Variants in PTK7 observed in about 807,000 individuals in gnomAD.
The protein encoded by PTK7 is protein tyrosine kinase 7 (inactive), also known as inactive tyrosine-protein kinase 7.
A neutral mutation model predicts 116.6 loss-of-function variants in PTK7; 39 were observed. That is an observed-to-expected ratio of 0.33 (90% CI 0.26 to 0.44). The LOEUF (loss-of-function observed/expected upper bound fraction) is 0.44, where lower values mean the gene tolerates loss of function less well. Ranked by LOEUF, PTK7 falls within the 20% of genes least tolerant of loss-of-function variation. PTK7 has a pLI of 1.00. For missense variants in PTK7, 1,169 were observed against 1,425.6 expected (o/e 0.82, Z 2.90); for synonymous variants, 546 against 563.6 (o/e 0.97, Z 0.44).
At position 43,138,973 on chromosome 6, in the gene PTK7, C is replaced by T. The variant is rs749649976; in HGVS notation, c.1353C>T (p.Leu451=). 69 of 1,613,772 alleles carry T rather than the reference C, an allele frequency of 4.3e-5. No individual in the cohort carries two copies. Among genetic ancestry groups the T allele is most frequent in the Non-Finnish European group, 5.4e-5 (64 of 1,179,930 alleles). ...TTGTCTGGTACAGAAACCAGATGCT[C>T]ATCTCAGAGGTGAGAAAGAAGAGTG... ...PTVVWYRNQM[L]ISEDSRFEVF... is the part of the protein sequence containing the mutation. Residue 451 remains leucine, a synonymous_variant, in exon 8 of 20, where the codon CTC becomes CTT. Transcript: ENST00000230419.
chr6:43,087,726 C>G (rs564536563), intron 1 of PTK7, among the ~76,000 whole-genome samples: 52 of 152,364 alleles, frequency 3.4e-4, no homozygotes, highest in African/African-American at 1.2e-3. Context: ...CTGAGGCTCA[C>G]TCAGTGTGGC....
At chr6:43,110,204 C>T (rs1019020644) in intron 1 of PTK7, among the ~76,000 whole-genome samples, 2 of 151,204 alleles carry the variant, frequency 1.3e-5, no homozygotes, top group Non-Finnish European at 2.9e-5. Context: ...GCTGGCCAGG[C>T]TGGTCTCGAA....
At chr6:43,159,000 C>A in intron 18 of PTK7, 32 bp downstream of exon 18, 1 of 1,609,592 alleles carries the variant, frequency 6.2e-7, no homozygotes, top group Non-Finnish European at 8.5e-7. Context: ...GGGGGCTCCC[C>A]ATTTTTTCCC....
Position 43,138,841 on chromosome 6 carries a change from C to G in PTK7, c.1229-8C>G. 1 of 1,600,832 alleles carries G rather than the reference C, an allele frequency of 6.2e-7. No individual in the cohort carries two copies. Reference sequence around the variant, plus strand: ...GCAGCCTTCACTGTTTCCTTCCTGTCTGTCTAGCTGTGCCCTCCTGGCTGA... The same window carrying G: ...GCAGCCTTCACTGTTTCCTTCCTGTGTGTCTAGCTGTGCCCTCCTGGCTGA... On this transcript the variant is annotated splice_polypyrimidine_tract_variant and splice_region_variant and intron_variant, in intron 7 of 19. Coordinates refer to ENST00000230419, the MANE Select transcript of PTK7 (RefSeq NM_002821.5).
Position 43,076,981 on chromosome 6 carries a change from G to A in PTK7, c.79+414G>A. Reference sequence around the variant, plus strand: ...TTCCCCACCCCACCCGGCAGGGTCGGCCCAGGTAAGAGTTGCTGGTTTGGG... The same window carrying A: ...TTCCCCACCCCACCCGGCAGGGTCGACCCAGGTAAGAGTTGCTGGTTTGGG... On this transcript the variant is annotated intron_variant, in intron 1 of 19. Coordinates refer to ENST00000230419, the MANE Select transcript of PTK7 (RefSeq NM_002821.5). This position sits in a 1 kb window ranked among gnomAD's most constrained non-coding sequence, Gnocchi z 5.7. The A allele has an allele frequency of 6.7e-7, 1 of 1,494,702 alleles. No homozygotes were observed. Among genetic ancestry groups the A allele is most frequent in the Non-Finnish European group, 8.9e-7 (1 of 1,119,836 alleles). The allele number at this position is 1,494,702 out of a possible 1,614,324, so 92.6% of individuals were successfully genotyped here.
chr6:43,134,042 TTTC>T lies in PTK7; in HGVS notation c.1228+1361_1228+1363del, dbSNP rs1214615745. Among the ~76,000 whole-genome samples, 6 of 152,128 alleles carry T rather than the reference TTTC, an allele frequency of 3.9e-5. No homozygotes were observed. In the East Asian group the frequency reaches 1.2e-3, roughly 29 times the overall value. On this transcript the variant is annotated intron_variant, in intron 7 of 19. Coordinates refer to ENST00000230419, the MANE Select transcript of PTK7 (RefSeq NM_002821.5). The stretch of plus-strand genomic sequence containing the variant: ...TCACCTGCTTTCATTAGGGATACTT[TTTC>T]TTCTTTTGTTTGAGACGGAGTCTCA...
In PTK7 at chr6:43,088,177, G is replaced by A. The variant is rs533918736; in HGVS notation, c.79+11610G>A. 2.7e-3 allele frequency among the ~76,000 whole-genome samples: 406 copies of A among 152,264 alleles called. 1 individual carries two copies. The highest frequency in any genetic ancestry group is 4.9e-3 in the Non-Finnish European group (332 of 68,012). On this transcript the variant is annotated intron_variant, in intron 1 of 19. Coordinates refer to ENST00000230419, the MANE Select transcript of PTK7 (RefSeq NM_002821.5). ...AAAAATTAGACAGCAGCGGTGGCAC[G>A]TGCCTGTGATCCCAGCTACTTGGGA... is the stretch of plus-strand genomic sequence containing the variant.
chr6:43,076,470 T>A lies in PTK7; in HGVS notation c.-19T>A, dbSNP rs1364091307. Reference sequence around the variant, plus strand: ...GCGCCCGCCGTGCGCCCTCAGCTCCTTTTCCTGAGCCCGCCGCGATGGGAG... The same window carrying A: ...GCGCCCGCCGTGCGCCCTCAGCTCCATTTCCTGAGCCCGCCGCGATGGGAG... On this transcript the variant is annotated 5_prime_UTR_variant, in exon 1 of 20. Coordinates refer to ENST00000230419, the MANE Select transcript of PTK7 (RefSeq NM_002821.5). The surrounding 1 kb of genome is among the most constrained non-coding windows in gnomAD (Gnocchi z 5.7). 2 of 1,553,698 alleles carry A rather than the reference T, an allele frequency of 1.3e-6. No homozygotes were observed. The highest frequency in any genetic ancestry group is 1.9e-5 in the Admixed American group (1 of 53,222).
chr6:43,128,965 TTGCATC>T lies in PTK7; in HGVS notation c.80-10_80-5del. On this transcript the variant is annotated splice_region_variant and splice_polypyrimidine_tract_variant and intron_variant, in intron 1 of 19. Transcript: ENST00000230419. ...CCCCCTGACCCTGCCTCTCCCCTGT[TTGCATC>T]TACAGGTACCCAGACAGCCATTGTC... 6.3e-7 allele frequency: 1 copy of T among 1,593,050 alleles called. No individual in the cohort carries two copies. Among genetic ancestry groups the T allele is most frequent in the South Asian group, 1.1e-5 (1 of 87,696 alleles).
At chr6:43,077,115 C>G in intron 1 of PTK7, 1 of 1,060,692 alleles carries the variant, frequency 9.4e-7, no homozygotes, top group Non-Finnish European at 1.2e-6. Flanking sequence ...AGCTGAGACC[C>G]CAGATGGCCC....
intron 7 of PTK7, among the ~76,000 whole-genome samples, chr6:43,134,668 T>C (rs1275654470): frequency 6.6e-6 from 1 of 151,760 alleles, no homozygotes; most frequent in African/African-American, 2.4e-5. Context: ...TAATCCCAGC[T>C]ACTTGGGAGG....
At chr6:43,147,469 T>C (rs570157133) in intron 17 of PTK7, among the ~76,000 whole-genome samples, 5 of 152,318 alleles carry the variant, frequency 3.3e-5, no homozygotes, top group African/African-American at 1.2e-4. Flanking sequence ...TCTACTTCCT[T>C]CCATGTGACT....
At chr6:43,108,990 T>C (rs1768047948) in intron 1 of PTK7, among the ~76,000 whole-genome samples, 1 of 152,230 alleles carries the variant, frequency 6.6e-6, no homozygotes, top group East Asian at 1.9e-4. Flanking sequence ...GCTTGATTCT[T>C]TACTGATTTT....
intron 17 of PTK7, 52 bp downstream of exon 17, chr6:43,146,750 G>A (rs1424039015): frequency 1.3e-6 from 2 of 1,526,040 alleles, no homozygotes; most frequent in Non-Finnish European, 1.8e-6. Context: ...GGGTGGGCCA[G>A]GAGCAACAGA....
intron 19 of PTK7, 118 bp from the exon 20 acceptor site, chr6:43,160,603 C>A: frequency 7.6e-7 from 1 of 1,323,814 alleles, no homozygotes; most frequent in Non-Finnish European, 1.0e-6. Flanking sequence ...CTGCCGCTGG[C>A]CAGCATTGCC....
At chr6:43,150,123 G>A (rs2150465889) in intron 17 of PTK7, among the ~76,000 whole-genome samples, 1 of 152,336 alleles carries the variant, frequency 6.6e-6, no homozygotes, top group South Asian at 2.1e-4. Context: ...GATCACTTGT[G>A]AACTAATGAT....
chr6:43,117,477 G>A (rs1297684574), intron 1 of PTK7, among the ~76,000 whole-genome samples: 2 of 152,244 alleles, frequency 1.3e-5, no homozygotes, highest in Non-Finnish European at 2.9e-5. Context: ...GAAGCAGCCA[G>A]TGTGGCATCA....
At chr6:43,147,861 C>CT (rs1770815626) in intron 17 of PTK7, among the ~76,000 whole-genome samples, 1 of 152,132 alleles carries the variant, frequency 6.6e-6, no homozygotes, top group African/African-American at 2.4e-5. Context: ...CAGGATGGGA[C>CT]TTGCTACACC....
chr6:43,150,788 T>G (rs912168942), intron 17 of PTK7, among the ~76,000 whole-genome samples: 1 of 51,920 alleles, frequency 1.9e-5, no homozygotes, highest in Non-Finnish European at 3.7e-5. Context: ...TAGACTCAGC[T>G]TTTTTTTTTT....
Sources: gnomAD v4.1 joint callset for allele counts (sites outside exome capture counted in the v4.1 genomes callset) on GRCh38, gnomAD v4.1.1 for gene constraint, Gnocchi (gnomAD v3.1) non-coding constraint, MANE v1.5 for transcripts, NCBI Gene and HGNC (gene_info 2026-07-23, HGNC 2026-07-21) for gene names.